Variants in ZNF747 observed in about 807,000 individuals in gnomAD.
ZNF747 encodes the protein zinc finger protein 747.
Under a neutral mutation model 13.4 loss-of-function variants are expected in ZNF747, and 14 were observed. The observed-to-expected ratio is 1.04, with a 90% CI of 0.69 to 1.63. The LOEUF (loss-of-function observed/expected upper bound fraction) is 1.63. Among genes scored for constraint, ZNF747 ranks in the 40% most tolerant of loss-of-function variants. The pLI is 0.00. For missense variants in ZNF747, 532 were observed against 477.9 expected, an observed-to-expected ratio of 1.11 and a Z score of -1.05; for synonymous variants, 212 against 206.5, an observed-to-expected ratio of 1.03 and a Z score of -0.23.
rs2051367056 is a variant in ZNF747 at position 30,531,074 on chromosome 16, G to A, written c.*1425C>T. The A allele has an allele frequency of 6.6e-6, 1 of 152,264 alleles. No individual in the cohort carries two copies. Among genetic ancestry groups the A allele is most frequent in the Non-Finnish European group, 1.5e-5 (1 of 68,060 alleles). The allele number at this position is 152,264 out of a possible 1,614,324, so 9.4% of individuals were successfully genotyped here. A position where few individuals can be genotyped will look rare whatever the true frequency, so the allele number is the denominator to read the frequency against. On this transcript the variant is annotated 3_prime_UTR_variant, in exon 3 of 3. Transcript: ENST00000693075. ...CATACTTAAAGACAGCAAAGATGGT[G>A]CGTACCTAAAGACAGGAAAGATGCA...
Position 30,532,443 on chromosome 16 carries a change from G to C in ZNF747, c.*56C>G. 2 of 1,543,268 alleles carry C rather than the reference G, an allele frequency of 1.3e-6. No homozygotes were observed. Among genetic ancestry groups the C allele is most frequent in the Non-Finnish European group, 1.7e-6 (2 of 1,145,224 alleles). On this transcript the variant is annotated 3_prime_UTR_variant, in exon 3 of 3. Coordinates refer to ENST00000693075, the MANE Select transcript of ZNF747 (RefSeq NM_001305018.2). ...CCTGCAGGCCGCTGCAGAGGTTCGG[G>C]CCCCTGAGCCCATCTCGGGCCGCCC...
rs143156718 is a variant in ZNF747 at position 30,531,188 on chromosome 16, C to T, written c.*1311G>A. On this transcript the variant is annotated 3_prime_UTR_variant, in exon 3 of 3. Coordinates refer to ENST00000693075, the MANE Select transcript of ZNF747 (RefSeq NM_001305018.2). Reference sequence around the variant, plus strand: ...AGATAAACACCAAAAACACTAAAAGCAAGCCATGATGAATGGCTACTCATG... The same window carrying T: ...AGATAAACACCAAAAACACTAAAAGTAAGCCATGATGAATGGCTACTCATG... 6.6e-6 allele frequency: 1 copy of T among 152,244 alleles called. No individual in the cohort carries two copies. The highest frequency in any genetic ancestry group is 2.4e-5 in the African/African-American group (1 of 41,458). 9.4% of individuals were successfully genotyped at this position (152,244 alleles called of 1,614,324 possible).
Position 30,532,738 on chromosome 16 carries a change from G to C in ZNF747, c.757C>G (p.Leu253Val). Reference sequence around the variant, plus strand: ...GTGTGAACGCGCAGGTGAGAAGTCAGCGCCGTGCGGCGCATGAAGGCCCGA... The same window carrying C: ...GTGTGAACGCGCAGGTGAGAAGTCACCGCCGTGCGGCGCATGAAGGCCCGA... ...CGRAFMRRTA[L>V]TSHLRVHTGE... is the part of the protein sequence containing the mutation. The change falls in exon 3 of 3, where the codon CTG becomes GTG. Residue 253 changes from leucine (L) to valine (V), a missense_variant. Leu to Val is a conservative substitution (Grantham distance 32, BLOSUM62 1). Coordinates refer to ENST00000693075, the MANE Select transcript of ZNF747 (RefSeq NM_001305018.2). The C allele has an allele frequency of 6.5e-7, 1 of 1,541,546 alleles. No individual in the cohort carries two copies. The highest frequency in any genetic ancestry group is 8.7e-7 in the Non-Finnish European group (1 of 1,147,148).
At chr16:30,533,183 G>T in intron 2 of ZNF747, 32 bp from the exon 3 acceptor site, 1 of 1,611,736 alleles carries the variant, frequency 6.2e-7, no homozygotes, top group South Asian at 1.1e-5. Context: ...GTTCAGGCTT[G>T]GCTCATCCTG....
rs1395404577 is a variant in ZNF747, at chr16:30,530,904, G to A, written c.*1595C>T. 1 of 152,282 alleles carries A rather than the reference G, an allele frequency of 6.6e-6. No individual in the cohort carries two copies. Among genetic ancestry groups the A allele is most frequent in the South Asian group, 2.1e-4 (1 of 4,828 alleles). 9.4% of individuals were successfully genotyped at this position (152,282 alleles called of 1,614,324 possible). On this transcript the variant is annotated 3_prime_UTR_variant, in exon 3 of 3. Transcript: ENST00000693075. This position sits in a 1 kb window ranked among gnomAD's most constrained non-coding sequence, Gnocchi z 4.4. Reference sequence around the variant, plus strand: ...CCCGTGGCTGGACTCTGCCCACAAAGGAATTAGTGGTAGCTGGATAATGGA... The same window carrying A: ...CCCGTGGCTGGACTCTGCCCACAAAAGAATTAGTGGTAGCTGGATAATGGA...
Position 30,533,284 on chromosome 16 carries a change from G to C in ZNF747, c.344-133C>G, listed in dbSNP as rs555605513. The C allele has an allele frequency of 1.2e-4, 149 of 1,200,244 alleles. No homozygotes were observed. The African/African-American group carries it at 2.0e-3, about 16-fold the overall frequency. 74.3% of individuals were successfully genotyped at this position (1,200,244 alleles called of 1,614,324 possible). ...GATGGAGGAGTGACACCTGTTCCTC[G>C]GCTGCAGAGCCAGACAGAGCCTGGA... is the stretch of plus-strand genomic sequence containing the variant. On this transcript the variant is annotated intron_variant, in intron 2 of 2. Coordinates refer to ENST00000693075, the MANE Select transcript of ZNF747 (RefSeq NM_001305018.2).
Position 30,534,187 on chromosome 16 carries a change from G to A in ZNF747, c.343+10C>T, listed in dbSNP as rs1286485691. 2.5e-6 allele frequency: 4 copies of A among 1,609,514 alleles called. No homozygotes were observed. The highest frequency in any genetic ancestry group is 1.1e-5 in the South Asian group (1 of 90,312). ...GAAGTCCCCATGGGACTGAGCACCC[G>A]ATACTCCACCTGGGTCCGCTTCTGT... is the stretch of plus-strand genomic sequence containing the variant. On this transcript the variant is annotated intron_variant, in intron 2 of 2. Coordinates refer to ENST00000693075, the MANE Select transcript of ZNF747 (RefSeq NM_001305018.2).
chr16:30,533,949 A>C (rs2051416526), intron 2 of ZNF747, among the ~76,000 whole-genome samples: 1 of 152,018 alleles, frequency 6.6e-6, no homozygotes, highest in Non-Finnish European at 1.5e-5. Flanking sequence ...ACAAAACAAA[A>C]AAGTCCCCGG....
At chr16:30,533,637 G>A (rs1443723973) in intron 2 of ZNF747, among the ~76,000 whole-genome samples, 1 of 151,954 alleles carries the variant, frequency 6.6e-6, no homozygotes, top group East Asian at 1.9e-4. Context: ...GCCGGGTGCA[G>A]TGGCTCATGC....
At chr16:30,533,247 C>A (rs1244956038) in intron 2 of ZNF747, 96 bp from the exon 3 acceptor site, 2 of 1,513,724 alleles carry the variant, frequency 1.3e-6, no homozygotes, top group East Asian at 2.3e-5. Context: ...GGACCCCCGA[C>A]TGCTCCTAGG....
chr16:30,533,229 G>A, intron 2 of ZNF747, 78 bp from the exon 3 acceptor site: 2 of 1,585,300 alleles, frequency 1.3e-6, no homozygotes, highest in Admixed American at 1.7e-5. Flanking sequence ...GACAGGGACA[G>A]GCCTGCTGGA....
intron 2 of ZNF747, among the ~76,000 whole-genome samples, 170 bp downstream of exon 2, chr16:30,534,026 GC>G (rs1209283905): frequency 6.6e-6 from 1 of 152,232 alleles, no homozygotes; most frequent in Non-Finnish European, 1.5e-5. Context: ...CCCCATCACA[GC>G]CCCTTTCTAG....
Position 30,534,701 on chromosome 16 carries a change from A to G in ZNF747, c.-22T>C. On this transcript the variant is annotated 5_prime_UTR_variant, in exon 1 of 3. An upstream start codon of the reference 5' UTR is lost. Coordinates refer to ENST00000693075, the MANE Select transcript of ZNF747 (RefSeq NM_001305018.2). ...TCATCTCCCCTGGCCAGGCCTGGGC[A>G]TGCGGAACCTCCCGCGCCCGAGAAC... The G allele has an allele frequency of 6.7e-7, 1 of 1,495,140 alleles. No individual in the cohort carries two copies. Among genetic ancestry groups the G allele is most frequent in the Non-Finnish European group, 8.9e-7 (1 of 1,125,520 alleles). The allele number at this position is 1,495,140 out of a possible 1,614,324, so 92.6% of individuals were successfully genotyped here.
In ZNF747 at chr16:30,534,690, C is replaced by A; in HGVS notation, c.-11G>T. 1 of 1,505,612 alleles carries A rather than the reference C, an allele frequency of 6.6e-7. No individual in the cohort carries two copies. The highest frequency in any genetic ancestry group is 1.3e-5 in the South Asian group (1 of 79,948). The allele number at this position is 1,505,612 out of a possible 1,614,324, so 93.3% of individuals were successfully genotyped here. A position where few individuals can be genotyped will look rare whatever the true frequency, so the allele number is the denominator to read the frequency against. On this transcript the variant is annotated 5_prime_UTR_variant, in exon 1 of 3. Transcript: ENST00000693075. ...CGACGGATCGGTCATCTCCCCTGGC[C>A]AGGCCTGGGCATGCGGAACCTCCCG...
Position 30,532,446 on chromosome 16 carries a change from C to G in ZNF747, c.*53G>C, listed in dbSNP as rs1445073947. The G allele has an allele frequency of 1.3e-6, 2 of 1,550,790 alleles. No individual in the cohort carries two copies. Among genetic ancestry groups the G allele is most frequent in the African/African-American group, 2.7e-5 (2 of 73,320 alleles). On this transcript the variant is annotated 3_prime_UTR_variant, in exon 3 of 3. Transcript: ENST00000693075. ...GCAGGCCGCTGCAGAGGTTCGGGCC[C>G]CTGAGCCCATCTCGGGCCGCCCACA... is the stretch of plus-strand genomic sequence containing the variant.
rs2051359772 is a variant in ZNF747 at position 30,530,464 on chromosome 16, C to T, written c.*2035G>A. The stretch of plus-strand genomic sequence containing the variant: ...GAACTGGTGTTGCAAGCTGGGCTTT[C>T]CCCAGGCTGTGTTGAGGGTTAGGGG... On this transcript the variant is annotated 3_prime_UTR_variant, in exon 3 of 3. Transcript: ENST00000693075. This position sits in a 1 kb window ranked among gnomAD's most constrained non-coding sequence, Gnocchi z 4.4. The T allele has an allele frequency of 6.6e-6, 1 of 152,138 alleles. No homozygotes were observed. The highest frequency in any genetic ancestry group is 1.5e-5 in the Non-Finnish European group (1 of 68,056). The allele number at this position is 152,138 out of a possible 1,614,324, so 9.4% of individuals were successfully genotyped here.
chr16:30,534,104 A>G lies in ZNF747; in HGVS notation c.343+93T>C, dbSNP rs1161937953. The G allele has an allele frequency of 3.4e-6, 5 of 1,453,784 alleles. No homozygotes were observed. The African/African-American group carries it at 5.8e-5, about 17-fold the overall frequency. 90.1% of individuals were successfully genotyped at this position (1,453,784 alleles called of 1,614,324 possible). A position where few individuals can be genotyped will look rare whatever the true frequency, so the allele number is the denominator to read the frequency against. On this transcript the variant is annotated intron_variant, in intron 2 of 2. Transcript: ENST00000693075. Reference sequence around the variant, plus strand: ...CAGTTGAGGAGGCAGTTCAGAGAGGAAACTGCTAAGCAGGTAGCTGGAGGT... The same window carrying G: ...CAGTTGAGGAGGCAGTTCAGAGAGGGAACTGCTAAGCAGGTAGCTGGAGGT...
At position 30,534,583 on chromosome 16, in the gene ZNF747, T is replaced by G. The variant is rs755500671; in HGVS notation, c.97A>C (p.Lys33Gln). The G allele has an allele frequency of 1.2e-6, 2 of 1,603,470 alleles. No individual in the cohort carries two copies. The highest frequency in any genetic ancestry group is 1.7e-6 in the Non-Finnish European group (2 of 1,176,330). ...DPNGAGSEWRKPGAVSFADVA... is the reference protein window; with the variant it reads ...DPNGAGSEWRQPGAVSFADVA... ...TCGGCGAAGCTCACGGCCCCGGGCT[T>G]TCTCCACTCGGATCCCGCCCCGTTT... The change falls in exon 1 of 3, where the codon AAG (lysine) becomes CAG (glutamine). Residue 33 changes from lysine to glutamine, a missense_variant. Physicochemically the swap from Lys to Gln is moderately conservative, Grantham distance 53. Coordinates refer to ENST00000693075, the MANE Select transcript of ZNF747 (RefSeq NM_001305018.2).
rs1389822516 is a variant in ZNF747 at position 30,532,712 on chromosome 16, A to G, written c.783T>C (p.Thr261=). 2 of 1,539,422 alleles carry G rather than the reference A, an allele frequency of 1.3e-6. No homozygotes were observed. Among genetic ancestry groups the G allele is most frequent in the Non-Finnish European group, 8.7e-7 (1 of 1,146,850 alleles). Residue 261 remains threonine, a synonymous_variant, in exon 3 of 3, where the codon ACT becomes ACC. Coordinates refer to ENST00000693075, the MANE Select transcript of ZNF747 (RefSeq NM_001305018.2). ...GCGGGCAGCGGTAGGGCTTCTCGCC[A>G]GTGTGAACGCGCAGGTGAGAAGTCA... is the stretch of plus-strand genomic sequence containing the variant. ...TALTSHLRVH[T]GEKPYRCPQC...
Sources: gnomAD v4.1 joint callset for allele counts (sites outside exome capture counted in the v4.1 genomes callset) on GRCh38, gnomAD v4.1.1 for gene constraint, Gnocchi (gnomAD v3.1) non-coding constraint, MANE v1.5 for transcripts, NCBI Gene and HGNC (gene_info 2026-07-23, HGNC 2026-07-21) for gene names.